Variants in SESN1 observed in about 807,000 individuals in gnomAD.
SESN1 encodes sestrin-1.
SESN1 carries 30 observed loss-of-function variants against 59.3 expected under a neutral mutation model. The ratio of observed to expected loss-of-function variants is 0.51; its 90% CI spans 0.38 to 0.69. SESN1 has a LOEUF of 0.69. Among genes scored for constraint, SESN1 ranks in the 30% least tolerant of loss-of-function variants. The pLI is 0.00. For missense variants in SESN1, 566 were observed against 673.0 expected (o/e 0.84, Z 1.76); for synonymous variants, 197 against 219.9 (o/e 0.90, Z 0.92).
intron 7 of SESN1, 51 bp from the exon 8 acceptor site, chr6:108,990,886 C>A: frequency 6.8e-7 from 1 of 1,480,460 alleles, no homozygotes; most frequent in Non-Finnish European, 9.4e-7. Context: ...AAGTACAGTT[C>A]TATATCTATA....
At chr6:109,024,754 T>C (rs764691536) in intron 1 of SESN1, among the ~76,000 whole-genome samples, 11 of 152,198 alleles carry the variant, frequency 7.2e-5, no homozygotes, top group Non-Finnish European at 1.6e-4. Flanking sequence ...GTCTTTGTGA[T>C]TATGTGGCTG....
chr6:109,055,816 G>T (rs1420271288), intron 1 of SESN1, among the ~76,000 whole-genome samples: 3 of 152,068 alleles, frequency 2.0e-5, no homozygotes, highest in African/African-American at 7.2e-5. Flanking sequence ...CAAAAATTGT[G>T]TAAGATCTGT....
intron 1 of SESN1, among the ~76,000 whole-genome samples, chr6:109,065,878 AG>A (rs536442701): frequency 1.8e-4 from 27 of 152,036 alleles, no homozygotes; most frequent in Non-Finnish European, 2.9e-4. Context: ...ATCTATAATT[AG>A]AATCTAAAAC....
chr6:108,989,294 C>T (rs565222848), intron 8 of SESN1, among the ~76,000 whole-genome samples: 3 of 152,202 alleles, frequency 2.0e-5, no homozygotes, highest in South Asian at 2.1e-4. Flanking sequence ...TGAGCCACCG[C>T]GCCTGGCTGA....
chr6:109,079,972 A>G (rs1781092913), intron 1 of SESN1, among the ~76,000 whole-genome samples: 1 of 152,182 alleles, frequency 6.6e-6, no homozygotes, highest in Non-Finnish European at 1.5e-5. Context: ...TTAGCTATAA[A>G]CAACTTGCTG....
chr6:109,033,747 G>T (rs1223357963), intron 1 of SESN1, among the ~76,000 whole-genome samples: 1 of 152,206 alleles, frequency 6.6e-6, no homozygotes, highest in Non-Finnish European at 1.5e-5. Flanking sequence ...GTTACTGTAT[G>T]ACAGTGCCAA....
At chr6:109,046,508 G>A (rs1445674922) in intron 1 of SESN1, among the ~76,000 whole-genome samples, 14 of 147,236 alleles carry the variant, frequency 9.5e-5, no homozygotes, top group African/African-American at 2.5e-4. Flanking sequence ...CCGCCACCCC[G>A]TCTGGGAAGT....
At chr6:109,042,066 G>A (rs915382169) in intron 1 of SESN1, among the ~76,000 whole-genome samples, 1 of 151,896 alleles carries the variant, frequency 6.6e-6, no homozygotes. Flanking sequence ...ATGGAAGCCT[G>A]GACACATTTG....
Position 109,094,250 on chromosome 6 carries a change from G to A in SESN1, c.-177C>T, listed in dbSNP as rs2114491847. ...TGCCTTCAGCCGATCTACAAGCTAG[G>A]TCACCCTCTCACCCTCTCCTTGTAC... is the stretch of plus-strand genomic sequence containing the variant. On this transcript the variant is annotated 5_prime_UTR_variant, in exon 1 of 10. Transcript: ENST00000436639. 1 of 654,762 alleles carries A rather than the reference G, an allele frequency of 1.5e-6. No individual in the cohort carries two copies. The highest frequency in any genetic ancestry group is 2.6e-6 in the Non-Finnish European group (1 of 387,246). 40.6% of individuals were successfully genotyped at this position (654,762 alleles called of 1,614,324 possible).
chr6:109,071,353 CT>C (rs78641650), intron 1 of SESN1, among the ~76,000 whole-genome samples: 1,135 of 136,362 alleles, frequency 8.3e-3, no homozygotes, highest in Middle Eastern at 0.02. Flanking sequence ...GTTTTTGTTT[CT>C]TTTTTTTTTT....
At chr6:109,013,979 TA>T (rs1365313306) in intron 1 of SESN1, among the ~76,000 whole-genome samples, 1 of 152,132 alleles carries the variant, frequency 6.6e-6, no homozygotes, top group African/African-American at 2.4e-5. Flanking sequence ...CACTGAACTT[TA>T]AACTGATCCT....
intron 1 of SESN1, among the ~76,000 whole-genome samples, chr6:109,081,296 G>C (rs1459307873): frequency 5.9e-5 from 9 of 152,144 alleles, no homozygotes; most frequent in Admixed American, 5.9e-4. Context: ...GCCCAAGCAG[G>C]TGTTGAACTC....
chr6:108,999,732 C>T (rs982643463), intron 4 of SESN1, among the ~76,000 whole-genome samples: 8 of 152,030 alleles, frequency 5.3e-5, no homozygotes, highest in African/African-American at 1.9e-4. Flanking sequence ...CAAAGGTAAA[C>T]GTAGGCTTAC....
At chr6:108,992,516 T>A (rs1779406844) in intron 7 of SESN1, among the ~76,000 whole-genome samples, 1 of 152,188 alleles carries the variant, frequency 6.6e-6, no homozygotes, top group Admixed American at 6.5e-5. Context: ...CTAACAATAT[T>A]TGGGAACGCT....
chr6:109,061,447 G>C (rs1259820148), intron 1 of SESN1, among the ~76,000 whole-genome samples: 3 of 152,142 alleles, frequency 2.0e-5, no homozygotes, highest in Non-Finnish European at 4.4e-5. Flanking sequence ...GGATGTATCA[G>C]AATTAATTCT....
At chr6:109,087,075 G>A (rs956802582) in intron 1 of SESN1, among the ~76,000 whole-genome samples, 1 of 152,120 alleles carries the variant, frequency 6.6e-6, no homozygotes, top group African/African-American at 2.4e-5. Flanking sequence ...AGGTTGCAGT[G>A]AGCCAAGATC....
At chr6:109,014,910 C>G (rs1779909402) in intron 1 of SESN1, among the ~76,000 whole-genome samples, 1 of 152,126 alleles carries the variant, frequency 6.6e-6, no homozygotes, top group Non-Finnish European at 1.5e-5. Context: ...ACTGATACCT[C>G]CTATTTATTT....
At chr6:109,036,530 T>C (rs759882526) in intron 1 of SESN1, among the ~76,000 whole-genome samples, 4 of 152,192 alleles carry the variant, frequency 2.6e-5, no homozygotes, top group Non-Finnish European at 5.9e-5. Context: ...TTTGTTTTTA[T>C]CTGAGGTTTG....
At chr6:109,024,879 A>C (rs1237362145) in intron 1 of SESN1, among the ~76,000 whole-genome samples, 1 of 152,248 alleles carries the variant, frequency 6.6e-6, no homozygotes, top group Non-Finnish European at 1.5e-5. Context: ...ACAATTGTTA[A>C]GTGGAACTAT....
Sources: allele counts gnomAD v4.1 joint callset (sites outside exome capture counted in the v4.1 genomes callset), GRCh38; gene constraint gnomAD v4.1.1; transcripts MANE v1.5; gene names NCBI Gene and HGNC (gene_info 2026-07-23, HGNC 2026-07-21).